The following ZNF420 variants were observed in gnomAD, a reference collection of about 807,000 sequenced individuals.
The protein encoded by ZNF420 is ATM and p53-associated KZNF protein.
ZNF420 carries 31 observed loss-of-function variants against 44.7 expected under a neutral mutation model. The observed-to-expected ratio is 0.69, with a 90% CI of 0.52 to 0.94. ZNF420 has a LOEUF of 0.94. Ranked by LOEUF, ZNF420 falls within the 40% of genes least tolerant of loss-of-function variation. ZNF420 has a pLI of 0.00. For synonymous variants in ZNF420, 245 were observed against 267.4 expected, an observed-to-expected ratio of 0.92 and a Z score of 0.82; for missense variants, 681 against 827.9, an observed-to-expected ratio of 0.82 and a Z score of 2.18.
intron 2 of ZNF420, among the ~76,000 whole-genome samples, chr19:37,085,397 A>ATT (rs2146507854): frequency 6.6e-6 from 1 of 152,296 alleles, no homozygotes; most frequent in South Asian, 2.1e-4. Flanking sequence ...TTGTTAATGA[A>ATT]GAGTCTGACT....
chr19:37,130,138 T>C lies in ZNF420; in HGVS notation c.*1080T>C. 1 of 1,550,480 alleles carries C rather than the reference T, an allele frequency of 6.4e-7. No individual in the cohort carries two copies. Among genetic ancestry groups the C allele is most frequent in the Non-Finnish European group, 8.7e-7 (1 of 1,146,956 alleles). The stretch of plus-strand genomic sequence containing the variant: ...TTTTTCCGTGCCTACAATGTGGACA[T>C]CTAAGCTGGAGCTCCGTTACTCTCA... On this transcript the variant is annotated 3_prime_UTR_variant, in exon 5 of 5. Coordinates refer to ENST00000337995, the MANE Select transcript of ZNF420 (RefSeq NM_144689.5).
chr19:37,090,960 A>C, intron 3 of ZNF420, 35 bp from the exon 4 acceptor site: 1 of 1,591,810 alleles, frequency 6.3e-7, no homozygotes, highest in South Asian at 1.2e-5. Flanking sequence ...GCATTTTTTA[A>C]ATTTCCAAAA....
intron 1 of ZNF420, among the ~76,000 whole-genome samples, chr19:37,008,807 T>G (rs2074547680): frequency 6.6e-6 from 1 of 152,166 alleles, no homozygotes; most frequent in Non-Finnish European, 1.5e-5. Context: ...GTGTCTCCCG[T>G]TTCTGAGGGG....
At chr19:37,048,691 TTTTTTTAA>T (rs1378043487) in intron 1 of ZNF420, among the ~76,000 whole-genome samples, 1 of 152,148 alleles carries the variant, frequency 6.6e-6, no homozygotes, top group East Asian at 1.9e-4. Context: ...TGTCACACTC[TTTTTTTAA>T]TTTTTTAATT....
At chr19:37,079,133 G>T (rs772136079) in intron 1 of ZNF420, among the ~76,000 whole-genome samples, 3 of 152,188 alleles carry the variant, frequency 2.0e-5, no homozygotes, top group African/African-American at 7.2e-5. Context: ...GTTTTTGGCG[G>T]TATGTGTCTC....
chr19:37,035,619 T>C (rs908304369), intron 1 of ZNF420, among the ~76,000 whole-genome samples: 4 of 152,224 alleles, frequency 2.6e-5, no homozygotes. Flanking sequence ...TGGATTTGCA[T>C]GTGGGCCCCA....
intron 4 of ZNF420, among the ~76,000 whole-genome samples, chr19:37,093,514 C>T (rs12978093): frequency 0.16 from 24,739 of 152,042 alleles, 2,137 homozygotes; most frequent in African/African-American, 0.23. Context: ...CCAGTGCACC[C>T]GGCCAAGAAC....
At chr19:37,031,838 A>C (rs1250757269) in intron 1 of ZNF420, among the ~76,000 whole-genome samples, 4 of 152,142 alleles carry the variant, frequency 2.6e-5, no homozygotes, top group Non-Finnish European at 4.4e-5. Flanking sequence ...TTTGTATCCT[A>C]CTGCATCTGG....
intron 2 of ZNF420, among the ~76,000 whole-genome samples, chr19:37,082,888 C>A (rs1436995551): frequency 6.6e-6 from 1 of 152,182 alleles, no homozygotes; most frequent in Non-Finnish European, 1.5e-5. Context: ...TTTAAAATTA[C>A]ATAACATATA....
intron 2 of ZNF420, among the ~76,000 whole-genome samples, chr19:37,082,989 T>C (rs1402566929): frequency 6.6e-6 from 1 of 152,152 alleles, no homozygotes; most frequent in Non-Finnish European, 1.5e-5. Context: ...CCCTCTATAG[T>C]AGCTGGGGCT....
intron 1 of ZNF420, among the ~76,000 whole-genome samples, chr19:37,050,186 C>A (rs1410680863): frequency 6.6e-6 from 1 of 152,120 alleles, no homozygotes; most frequent in African/African-American, 2.4e-5. Context: ...TTAGGATTGA[C>A]TTGGCAATGC....
At chr19:37,060,059 GGCGGTT>G (rs1237015627) in intron 1 of ZNF420, among the ~76,000 whole-genome samples, 1 of 152,054 alleles carries the variant, frequency 6.6e-6, no homozygotes, top group Non-Finnish European at 1.5e-5. Context: ...TCGTTTTCGC[GGCGGTT>G]GCACTTCGGG....
intron 1 of ZNF420, among the ~76,000 whole-genome samples, chr19:37,079,566 T>G (rs1968315750): frequency 6.6e-6 from 1 of 152,212 alleles, no homozygotes. Context: ...ACTTCTTCCC[T>G]GCGTCCTCTT....
chr19:37,121,302 G>A (rs1971019636), intron 4 of ZNF420, among the ~76,000 whole-genome samples: 1 of 147,212 alleles, frequency 6.8e-6, no homozygotes, highest in Admixed American at 6.8e-5. Context: ...ACAGAACAGA[G>A]CCCTCAGAAA....
chr19:37,103,275 T>G (rs993486792), intron 4 of ZNF420, among the ~76,000 whole-genome samples: 3 of 152,100 alleles, frequency 2.0e-5, no homozygotes, highest in Non-Finnish European at 4.4e-5. Flanking sequence ...GATTATATGT[T>G]TTTTCTATGT....
chr19:37,124,173 C>T (rs981593829), intron 4 of ZNF420, among the ~76,000 whole-genome samples: 9 of 152,160 alleles, frequency 5.9e-5, no homozygotes, highest in Non-Finnish European at 1.2e-4. Flanking sequence ...TCAAGAATGT[C>T]ATATAAATAG....
intron 4 of ZNF420, among the ~76,000 whole-genome samples, chr19:37,123,390 G>A (rs112105910): frequency 0.011 from 1,615 of 152,086 alleles, 31 homozygotes; most frequent in African/African-American, 0.037. Flanking sequence ...TTCCAATTTT[G>A]TAAAATGGTT....
Position 37,029,103 on chromosome 19 carries a change from G to A in ZNF420, c.-125+21021G>A, listed in dbSNP as rs200331326. ...TTATTATGCATGGCCGGGCTTCACTGTAACTAAGAGGGTCCAAGATTCAGA... is the reference window on the plus strand; with the variant it reads ...TTATTATGCATGGCCGGGCTTCACTATAACTAAGAGGGTCCAAGATTCAGA... On this transcript the variant is annotated intron_variant, in intron 1 of 4. Transcript: ENST00000587029. Among the ~76,000 whole-genome samples, 20 of 152,274 alleles carry A rather than the reference G, an allele frequency of 1.3e-4. No homozygotes were observed. In the East Asian group the frequency reaches 3.5e-3, roughly 26 times the overall value.
chr19:37,012,295 T>C (rs1363801694), intron 1 of ZNF420, among the ~76,000 whole-genome samples: 1 of 152,222 alleles, frequency 6.6e-6, no homozygotes, highest in African/African-American at 2.4e-5. Flanking sequence ...GCAGCCTGAC[T>C]TCCAGGAGCG....
Sources: allele counts gnomAD v4.1 joint callset (sites outside exome capture counted in the v4.1 genomes callset), GRCh38; gene constraint gnomAD v4.1.1; transcripts MANE v1.5; gene names NCBI Gene and HGNC (gene_info 2026-07-23, HGNC 2026-07-21).